Variants in CMC1 observed in about 807,000 individuals in gnomAD.
The protein encoded by CMC1 is C-X9-C motif containing 1.
CMC1 carries 14 observed loss-of-function variants against 14.1 expected under a neutral mutation model. That is an observed-to-expected ratio of 0.99 (90% CI 0.66 to 1.55). The LOEUF (loss-of-function observed/expected upper bound fraction) is 1.55. Ranked by LOEUF, CMC1 falls within the 40% of genes most tolerant of loss-of-function variation. The pLI, the probability that CMC1 is intolerant of heterozygous loss-of-function variation, is 0.00. For synonymous variants in CMC1, 50 were observed against 38.4 expected (o/e 1.30, Z -1.12); for missense variants, 127 against 123.8 (o/e 1.03, Z -0.12).
chr3:28,314,983 GAT>G (rs1702819435), intron 2 of CMC1: 1 of 152,168 alleles, frequency 6.6e-6, no homozygotes, highest in Non-Finnish European at 1.5e-5. Context: ...AGTTACAAAA[GAT>G]ATTGAGAAAA....
rs567887326 is a variant in CMC1 at position 28,308,787 on chromosome 3, A to G, written c.110-7546A>G. The stretch of plus-strand genomic sequence containing the variant: ...ATCACAAGGTCAGGTGATCGAGACC[A>G]TCCTGGCCAACATGGTGAAACCCCA... On this transcript the variant is annotated intron_variant, in intron 2 of 3. Coordinates refer to ENST00000466830, the MANE Select transcript of CMC1 (RefSeq NM_182523.2). Among the ~76,000 whole-genome samples the G allele has an allele frequency of 2.0e-5, 3 of 152,250 alleles. No individual in the cohort carries two copies. The South Asian group carries it at 6.2e-4, about 32-fold the overall frequency.
chr3:28,274,682 C>T (rs891583711), intron 2 of CMC1, among the ~76,000 whole-genome samples: 35 of 152,118 alleles, frequency 2.3e-4, no homozygotes, highest in African/African-American at 8.2e-4. Flanking sequence ...GGGAAGTTCT[C>T]CTGGATGATA....
Position 28,242,118 on chromosome 3 carries a change from A to C in CMC1, c.19+306A>C, listed in dbSNP as rs955246893. On this transcript the variant is annotated intron_variant, in intron 1 of 3. Transcript: ENST00000466830. ...CCCCTTAAGGTCACAGATGCATTTA[A>C]TGTATGCTGCAGACACTCTGGCCCC... Among the ~76,000 whole-genome samples, 7 of 152,124 alleles carry C rather than the reference A, an allele frequency of 4.6e-5. No homozygotes were observed. The South Asian group carries it at 8.3e-4, about 18-fold the overall frequency.
At chr3:28,290,721 A>G (rs533611739) in intron 2 of CMC1, among the ~76,000 whole-genome samples, 8 of 152,050 alleles carry the variant, frequency 5.3e-5, no homozygotes, top group African/African-American at 1.2e-4. Context: ...TTCTGGGGGA[A>G]TTTTTTTCCT....
At chr3:28,315,715 G>A (rs371259740) in intron 2 of CMC1, among the ~76,000 whole-genome samples, 1 of 152,100 alleles carries the variant, frequency 6.6e-6, no homozygotes, top group Non-Finnish European at 1.5e-5. Context: ...GATGATAATG[G>A]TGTATTTTTA....
rs376321066 is a variant in CMC1 at position 28,274,212 on chromosome 3, G to GTTTTTT, written c.109+10834_109+10839dup. On this transcript the variant is annotated intron_variant, in intron 2 of 3. Coordinates refer to ENST00000466830, the MANE Select transcript of CMC1 (RefSeq NM_182523.2). ...TTGGTCTTTGTACTAAAGTGTTTTT[G>GTTTTTT]TTTTTTTCTTTTTTTTTTTTTTTGC... is the stretch of plus-strand genomic sequence containing the variant. Among the ~76,000 whole-genome samples, 515 of 87,964 alleles carry GTTTTTT rather than the reference G, an allele frequency of 5.9e-3. 16 individuals carry two copies. The highest frequency in any genetic ancestry group is 0.017 in the Middle Eastern group (3 of 176). The allele number at this position is 87,964 out of a possible 152,430, so 57.7% of individuals were successfully genotyped here.
At chr3:28,318,535 C>T (rs1370645903) in intron 3 of CMC1, 2 of 151,940 alleles carry the variant, frequency 1.3e-5, no homozygotes, top group Non-Finnish European at 2.9e-5. Context: ...AATTCAATTA[C>T]TTACTATAGA....
intron 2 of CMC1, among the ~76,000 whole-genome samples, chr3:28,306,086 T>C (rs1702292233): frequency 6.6e-6 from 1 of 152,122 alleles, no homozygotes; most frequent in Non-Finnish European, 1.5e-5. Flanking sequence ...TTGGTTATGA[T>C]AGCCTTGTAG....
intron 2 of CMC1, among the ~76,000 whole-genome samples, chr3:28,298,907 G>A (rs1049172317): frequency 6.6e-6 from 1 of 152,030 alleles, no homozygotes; most frequent in African/African-American, 2.4e-5. Context: ...GGAGGCAGTG[G>A]TGGTGGAAAG....
chr3:28,303,927 G>A (rs1055482275), intron 2 of CMC1, among the ~76,000 whole-genome samples: 1 of 151,978 alleles, frequency 6.6e-6, no homozygotes, highest in South Asian at 2.1e-4. Context: ...AGGATCAGTG[G>A]ATAAGAAAAT....
intron 2 of CMC1, among the ~76,000 whole-genome samples, chr3:28,287,986 T>C (rs1489929761): frequency 6.6e-6 from 1 of 151,932 alleles, no homozygotes; most frequent in Non-Finnish European, 1.5e-5. Context: ...AAATTTAAAA[T>C]TGAGTCTCGT....
chr3:28,324,324 T>C lies in CMC1; in HGVS notation c.*4695T>C. On this transcript the variant is annotated 3_prime_UTR_variant, in exon 4 of 4. Coordinates refer to ENST00000466830, the MANE Select transcript of CMC1 (RefSeq NM_182523.2). ...TTACATCTCCTGGTAAAGGGGAAGA[T>C]GTGGTATGACAAAGAGCTTTGCCAT... is the stretch of plus-strand genomic sequence containing the variant. The C allele has an allele frequency of 6.2e-7, 1 of 1,605,998 alleles. No individual in the cohort carries two copies. Among genetic ancestry groups the C allele is most frequent in the Non-Finnish European group, 8.5e-7 (1 of 1,175,060 alleles).
intron 2 of CMC1, among the ~76,000 whole-genome samples, chr3:28,301,105 C>T (rs1702022836): frequency 6.6e-6 from 1 of 152,044 alleles, no homozygotes; most frequent in Non-Finnish European, 1.5e-5. Context: ...GATTTGATGA[C>T]ATCACCAAAA....
Position 28,321,563 on chromosome 3 carries a change from T to A in CMC1, c.*1934T>A, listed in dbSNP as rs575855486. ...TCTGTCTCAGTTGTGTCTTGCTTGC[T>A]TATGGGTGCCTCTGTTGATATTATT... On this transcript the variant is annotated 3_prime_UTR_variant, in exon 4 of 4. Transcript: ENST00000466830. 17 of 151,496 alleles carry A rather than the reference T, an allele frequency of 1.1e-4. No homozygotes were observed. The highest frequency in any genetic ancestry group is 9.9e-4 in the Admixed American group (15 of 15,144). The allele number at this position is 151,496 out of a possible 1,614,324, so 9.4% of individuals were successfully genotyped here.
intron 2 of CMC1, among the ~76,000 whole-genome samples, chr3:28,295,303 A>T (rs1701680994): frequency 1.3e-5 from 2 of 152,154 alleles, no homozygotes; most frequent in African/African-American, 2.4e-5. Context: ...TGTTGTGTTT[A>T]GGAATTCGTA....
At chr3:28,280,871 A>G (rs1404562129) in intron 2 of CMC1, among the ~76,000 whole-genome samples, 9 of 152,332 alleles carry the variant, frequency 5.9e-5, no homozygotes, top group African/African-American at 2.2e-4. Flanking sequence ...GGCAAACTGC[A>G]GCCTGATGCC....
intron 2 of CMC1, among the ~76,000 whole-genome samples, chr3:28,309,940 A>ACC (rs1702548969): frequency 2.7e-5 from 2 of 75,100 alleles, no homozygotes; most frequent in African/African-American, 6.1e-5. Flanking sequence ...CCTGACGTCC[A>ACC]CCACACACAC....
chr3:28,287,011 A>G (rs1361981908), intron 2 of CMC1, among the ~76,000 whole-genome samples: 2 of 152,174 alleles, frequency 1.3e-5, no homozygotes, highest in African/African-American at 4.8e-5. Flanking sequence ...GCTTAATTTT[A>G]AAGTCAGGGC....
At chr3:28,248,404 C>T (rs1265778327) in intron 1 of CMC1, among the ~76,000 whole-genome samples, 7 of 152,142 alleles carry the variant, frequency 4.6e-5, no homozygotes, top group Admixed American at 4.6e-4. Context: ...CTTATTGTCT[C>T]AGACTTTGTC....
Sources: gnomAD v4.1 joint callset for allele counts (sites outside exome capture counted in the v4.1 genomes callset) on GRCh38, gnomAD v4.1.1 for gene constraint, MANE v1.5 for transcripts, NCBI Gene and HGNC (gene_info 2026-07-23, HGNC 2026-07-21) for gene names.